Variants in ATG10 observed in about 807,000 individuals in gnomAD.
The protein encoded by ATG10 is ubiquitin-like-conjugating enzyme ATG10.
In ATG10, 30 loss-of-function variants were observed where a neutral mutation model predicts 32.1. That is an observed-to-expected ratio of 0.94 (90% confidence interval 0.70 to 1.27). The LOEUF is 1.27. Among genes scored for constraint, ATG10 ranks in the 50% most tolerant of loss-of-function variants. ATG10 has a pLI of 0.00. For synonymous variants in ATG10, 87 were observed against 91.5 expected, an observed-to-expected ratio of 0.95 and a Z score of 0.28; for missense variants, 233 against 262.3, an observed-to-expected ratio of 0.89 and a Z score of 0.77.
chr5:82,249,682 T>G (rs1399589946), intron 5 of ATG10, among the ~76,000 whole-genome samples: 1 of 152,194 alleles, frequency 6.6e-6, no homozygotes, highest in Non-Finnish European at 1.5e-5. Flanking sequence ...AGCTACCAAG[T>G]GGTAGAGCAG....
At chr5:82,152,958 A>C (rs1581747811) in intron 3 of ATG10, among the ~76,000 whole-genome samples, 1 of 152,164 alleles carries the variant, frequency 6.6e-6, no homozygotes, top group Non-Finnish European at 1.5e-5. Flanking sequence ...AATGTCTACT[A>C]TTTGCCAGGT....
chr5:82,038,410 C>T (rs564081744), intron 2 of ATG10, among the ~76,000 whole-genome samples: 10 of 152,282 alleles, frequency 6.6e-5, no homozygotes, highest in East Asian at 1.9e-4. Context: ...TGTATGAGTG[C>T]GGAGTTAAGT....
chr5:82,000,295 C>G (rs753705836), intron 2 of ATG10, among the ~76,000 whole-genome samples: 7 of 152,168 alleles, frequency 4.6e-5, no homozygotes, highest in Admixed American at 6.5e-5. Context: ...CCTCAACAAA[C>G]TAGGCACTGA....
chr5:81,996,199 T>C (rs993596214), intron 2 of ATG10, among the ~76,000 whole-genome samples: 1 of 152,152 alleles, frequency 6.6e-6, no homozygotes, highest in Non-Finnish European at 1.5e-5. Flanking sequence ...ACTTTACCAG[T>C]TTAGTTCTCA....
At chr5:82,226,581 T>C (rs1211440420) in intron 5 of ATG10, among the ~76,000 whole-genome samples, 1 of 152,186 alleles carries the variant, frequency 6.6e-6, no homozygotes, top group African/African-American at 2.4e-5. Flanking sequence ...GGAAGCTTTA[T>C]TACAATGATA....
At chr5:82,074,866 A>G (rs1380698901) in intron 3 of ATG10, among the ~76,000 whole-genome samples, 2 of 152,242 alleles carry the variant, frequency 1.3e-5, no homozygotes, top group Non-Finnish European at 2.9e-5. Context: ...CCTTTAAGAC[A>G]GAAGCACCTT....
intron 3 of ATG10, among the ~76,000 whole-genome samples, chr5:82,120,600 A>C (rs903198873): frequency 6.6e-6 from 1 of 152,074 alleles, no homozygotes; most frequent in Admixed American, 6.6e-5. Context: ...CTTGATAGAG[A>C]CTGATTTTGA....
chr5:81,984,262 C>T (rs1761185100), intron 1 of ATG10, among the ~76,000 whole-genome samples: 1 of 152,214 alleles, frequency 6.6e-6, no homozygotes, highest in South Asian at 2.1e-4. Context: ...CCGTCTCCAC[C>T]AAAAAAATAC....
intron 4 of ATG10, among the ~76,000 whole-genome samples, chr5:82,176,427 A>T (rs540282236): frequency 2.0e-5 from 3 of 152,312 alleles, no homozygotes; most frequent in South Asian, 2.1e-4. Flanking sequence ...ACATTTTATT[A>T]TCCTACTACA....
intron 3 of ATG10, among the ~76,000 whole-genome samples, chr5:82,145,956 C>A (rs776276804): frequency 1.3e-3 from 200 of 152,308 alleles, no homozygotes; most frequent in Non-Finnish European, 2.6e-3. Flanking sequence ...ATCCTCCCAC[C>A]TTGGCCTCCC....
At chr5:82,066,596 A>C (rs1209566113) in intron 3 of ATG10, among the ~76,000 whole-genome samples, 1 of 152,160 alleles carries the variant, frequency 6.6e-6, no homozygotes, top group Non-Finnish European at 1.5e-5. Flanking sequence ...GGCCCTCGAC[A>C]AAAAACAACC....
At chr5:82,187,761 T>C (rs796507692) in intron 5 of ATG10, among the ~76,000 whole-genome samples, 6 of 151,850 alleles carry the variant, frequency 4.0e-5, no homozygotes, top group African/African-American at 1.4e-4. Context: ...CTAATTTTTG[T>C]ATTTTTAGTA....
intron 5 of ATG10, among the ~76,000 whole-genome samples, chr5:82,238,921 G>A (rs1020878058): frequency 1.3e-5 from 2 of 152,110 alleles, no homozygotes; most frequent in African/African-American, 2.4e-5. Flanking sequence ...ATGCATCTTG[G>A]TGCATCAATT....
chr5:82,043,146 T>C (rs1241041920), intron 2 of ATG10, among the ~76,000 whole-genome samples: 1 of 152,196 alleles, frequency 6.6e-6, no homozygotes, highest in Non-Finnish European at 1.5e-5. Flanking sequence ...GAAATCTAGG[T>C]GTAGGTTCCC....
chr5:82,215,021 C>T (rs149699740), intron 5 of ATG10, among the ~76,000 whole-genome samples: 17 of 152,274 alleles, frequency 1.1e-4, no homozygotes, highest in African/African-American at 3.9e-4. Context: ...TAACAAATTA[C>T]CTAAACTTAA....
At chr5:82,153,389 G>C (rs939981560) in intron 3 of ATG10, among the ~76,000 whole-genome samples, 1 of 152,146 alleles carries the variant, frequency 6.6e-6, no homozygotes, top group Non-Finnish European at 1.5e-5. Context: ...TTCTCAAGCA[G>C]AAACTATTGC....
At chr5:82,242,827 A>G in intron 5 of ATG10, 1 of 452,424 alleles carries the variant, frequency 2.2e-6, no homozygotes, top group Non-Finnish European at 4.4e-6. Flanking sequence ...AGAAGGACAT[A>G]TTTCAGTGAC....
intron 2 of ATG10, among the ~76,000 whole-genome samples, chr5:82,020,363 A>T (rs60776990): frequency 0.063 from 9,641 of 152,286 alleles, 1,005 homozygotes; most frequent in African/African-American, 0.22. Context: ...TTGAGTCTTA[A>T]TTATCTGGAG....
At position 82,190,490 on chromosome 5, in the gene ATG10, C is replaced by T. The variant is rs192861979; in HGVS notation, c.453+11903C>T. Among the ~76,000 whole-genome samples the T allele has an allele frequency of 1.1e-4, 16 of 151,838 alleles. No homozygotes were observed. The South Asian group carries it at 2.5e-3, about 24-fold the overall frequency. ...TCCCTTTAATAGTTGTGTAGAATTCCGACCAGGCATGGTGGCTTATGCCTG... is the reference window on the plus strand; with the variant it reads ...TCCCTTTAATAGTTGTGTAGAATTCTGACCAGGCATGGTGGCTTATGCCTG... On this transcript the variant is annotated intron_variant, in intron 5 of 7. Transcript: ENST00000282185.
Sources: gnomAD v4.1 joint callset for allele counts (sites outside exome capture counted in the v4.1 genomes callset) on GRCh38, gnomAD v4.1.1 for gene constraint, MANE v1.5 for transcripts, NCBI Gene and HGNC (gene_info 2026-07-23, HGNC 2026-07-21) for gene names.